The following SYNDIG1 variants were observed in gnomAD, a reference collection of about 807,000 sequenced individuals.
The protein encoded by SYNDIG1 is synapse differentiation-inducing gene protein 1.
SYNDIG1 carries 9 observed loss-of-function variants against 19.4 expected under a neutral mutation model. The ratio of observed to expected loss-of-function variants is 0.46; its 90% CI spans 0.28 to 0.81. The LOEUF is 0.81. Among genes scored for constraint, SYNDIG1 ranks in the 30% least tolerant of loss-of-function variants. The pLI is 0.12. For synonymous variants in SYNDIG1, 141 were observed against 145.9 expected (o/e 0.97, Z 0.24); for missense variants, 311 against 343.3 (o/e 0.91, Z 0.74).
intron 2 of SYNDIG1, among the ~76,000 whole-genome samples, chr20:24,574,893 C>G (rs1395011347): frequency 6.6e-6 from 1 of 152,232 alleles, no homozygotes; most frequent in Non-Finnish European, 1.5e-5. Context: ...AGGTGCTAAT[C>G]AGAAACTTCT....
Position 24,665,516 on chromosome 20 carries a change from A to G in SYNDIG1, c.*12A>G. ...ACAACCACCTGTGAGCTTCCTGCGAATGGAGGGGGAGCACCCGGGGCCAGG... is the reference window on the plus strand; with the variant it reads ...ACAACCACCTGTGAGCTTCCTGCGAGTGGAGGGGGAGCACCCGGGGCCAGG... On this transcript the variant is annotated 3_prime_UTR_variant, in exon 4 of 4. Coordinates refer to ENST00000376862, the MANE Select transcript of SYNDIG1 (RefSeq NM_024893.3). 1 of 1,613,862 alleles carries G rather than the reference A, an allele frequency of 6.2e-7. No individual in the cohort carries two copies. Among genetic ancestry groups the G allele is most frequent in the Non-Finnish European group, 8.5e-7 (1 of 1,179,930 alleles).
chr20:24,640,522 GA>G (rs879505990), intron 3 of SYNDIG1, among the ~76,000 whole-genome samples: 1,773 of 112,264 alleles, frequency 0.016, 60 homozygotes, highest in East Asian at 0.13. Flanking sequence ...AGGAAGGAAG[GA>G]AGGAAGGAGC....
intron 3 of SYNDIG1, among the ~76,000 whole-genome samples, chr20:24,646,028 A>G (rs2059419609): frequency 6.6e-6 from 1 of 152,120 alleles, no homozygotes; most frequent in Admixed American, 6.6e-5. Context: ...CCACCTGGAG[A>G]GAGGAGAGCT....
intron 1 of SYNDIG1, among the ~76,000 whole-genome samples, chr20:24,478,429 C>T (rs372058364): frequency 1.1e-4 from 16 of 152,354 alleles, no homozygotes; most frequent in Admixed American, 3.3e-4. Flanking sequence ...GCTTCCCCAA[C>T]GTGCCGTCCA....
intron 1 of SYNDIG1, among the ~76,000 whole-genome samples, chr20:24,502,782 G>A (rs946054539): frequency 2.6e-5 from 4 of 152,184 alleles, no homozygotes; most frequent in African/African-American, 9.7e-5. Context: ...AAGGCCTTGG[G>A]GCTGTCCTCT....
At chr20:24,584,139 C>T (rs764675787) in intron 2 of SYNDIG1, among the ~76,000 whole-genome samples, 2 of 152,198 alleles carry the variant, frequency 1.3e-5, no homozygotes, top group African/African-American at 4.8e-5. Flanking sequence ...GAGAGTCTCA[C>T]TCAGCCCCTG....
chr20:24,507,422 T>A (rs2056620018), intron 1 of SYNDIG1, among the ~76,000 whole-genome samples: 2 of 152,258 alleles, frequency 1.3e-5, no homozygotes, highest in Non-Finnish European at 2.9e-5. Flanking sequence ...AATTTGTCCC[T>A]GGCTGGTGAG....
intron 1 of SYNDIG1, 33 bp downstream of exon 1, chr20:24,469,786 C>G (rs1478451251): frequency 6.6e-6 from 1 of 151,818 alleles, no homozygotes; most frequent in African/African-American, 2.4e-5. Context: ...CGGGGGCGGG[C>G]GGAGGGGCCC....
intron 3 of SYNDIG1, among the ~76,000 whole-genome samples, chr20:24,663,078 CT>C (rs763326361): frequency 8.5e-5 from 13 of 152,222 alleles, no homozygotes; most frequent in Non-Finnish European, 1.6e-4. Flanking sequence ...GGTAAATCAC[CT>C]TCATTAGACC....
intron 3 of SYNDIG1, among the ~76,000 whole-genome samples, chr20:24,604,927 TC>T (rs2058733018): frequency 6.6e-6 from 1 of 152,162 alleles, no homozygotes; most frequent in Non-Finnish European, 1.5e-5. Flanking sequence ...TTTTTTAACG[TC>T]CTCAGATTTA....
chr20:24,627,229 A>G (rs2059163751), intron 3 of SYNDIG1, among the ~76,000 whole-genome samples: 1 of 151,954 alleles, frequency 6.6e-6, no homozygotes. Context: ...GCTGTGAGCA[A>G]CTCTGTACCT....
At chr20:24,489,419 A>T (rs1343531268) in intron 1 of SYNDIG1, among the ~76,000 whole-genome samples, 2 of 152,060 alleles carry the variant, frequency 1.3e-5, no homozygotes, top group Non-Finnish European at 2.9e-5. Context: ...AGACACATGG[A>T]CACAGACACA....
At chr20:24,474,085 A>C (rs1354254270) in intron 1 of SYNDIG1, among the ~76,000 whole-genome samples, 1 of 152,238 alleles carries the variant, frequency 6.6e-6, no homozygotes, top group Non-Finnish European at 1.5e-5. Flanking sequence ...CTAAAGATTT[A>C]CAGGAATGGA....
intron 2 of SYNDIG1, among the ~76,000 whole-genome samples, chr20:24,549,380 A>G (rs1360482065): frequency 1.3e-5 from 2 of 152,202 alleles, no homozygotes; most frequent in Non-Finnish European, 2.9e-5. Context: ...TATTTGCTGC[A>G]AATGACATAA....
At chr20:24,661,487 AGAAGGGAGGGAGGGAAGAGGGAGGAAG>A (rs2059594166) in intron 3 of SYNDIG1, among the ~76,000 whole-genome samples, 1 of 13,472 alleles carries the variant, frequency 7.4e-5, no homozygotes, top group Non-Finnish European at 1.2e-4. Flanking sequence ...AGAGGGAGGA[AGAAGGGAGGGAGGGAAGAGGGAGGAAG>A]GAGGGAGGGA....
intron 3 of SYNDIG1, among the ~76,000 whole-genome samples, chr20:24,607,117 TG>T (rs945481809): frequency 1.8e-4 from 28 of 152,274 alleles, no homozygotes; most frequent in African/African-American, 6.5e-4. Flanking sequence ...CCCAGCACTT[TG>T]GGAGGCTGAG....
chr20:24,640,508 AGGAAGGAAG>A (rs2059365040), intron 3 of SYNDIG1, among the ~76,000 whole-genome samples: 2 of 145,648 alleles, frequency 1.4e-5, no homozygotes, highest in Non-Finnish European at 3.1e-5. Flanking sequence ...GAAGGAAGGA[AGGAAGGAAG>A]GAAGGAAGGA....
intron 1 of SYNDIG1, among the ~76,000 whole-genome samples, chr20:24,515,443 C>A (rs900128970): frequency 3.9e-5 from 6 of 152,124 alleles, no homozygotes; most frequent in African/African-American, 1.4e-4. Flanking sequence ...AAAACCACAT[C>A]ATCTCAGCCC....
chr20:24,472,291 T>C (rs971936668), intron 1 of SYNDIG1, among the ~76,000 whole-genome samples: 9 of 152,236 alleles, frequency 5.9e-5, no homozygotes, highest in African/African-American at 2.2e-4. Flanking sequence ...CTCATTCTAA[T>C]TCATGAAGGG....
Sources: gnomAD v4.1 joint callset for allele counts (sites outside exome capture counted in the v4.1 genomes callset) on GRCh38, gnomAD v4.1.1 for gene constraint, MANE v1.5 for transcripts, NCBI Gene and HGNC (gene_info 2026-07-23, HGNC 2026-07-21) for gene names.